Variants in RARB observed in about 807,000 individuals in gnomAD.
RARB encodes retinoic acid receptor beta.
RARB carries 17 observed loss-of-function variants against 51.9 expected under a neutral mutation model. The ratio of observed to expected loss-of-function variants is 0.33; its 90% CI spans 0.22 to 0.49. The LOEUF (loss-of-function observed/expected upper bound fraction) is 0.49. Among genes scored for constraint, RARB ranks in the 20% least tolerant of loss-of-function variants. The probability of loss-of-function intolerance (pLI) is 0.99; values close to 1 mark genes in which losing one functional copy is unlikely to be tolerated. For synonymous variants in RARB, 215 were observed against 195.4 expected, an observed-to-expected ratio of 1.10 and a Z score of -0.84; for missense variants, 369 against 550.8, an observed-to-expected ratio of 0.67 and a Z score of 3.30.
intron 3 of RARB, among the ~76,000 whole-genome samples, chr3:25,094,255 C>A (rs1283087868): frequency 1.3e-5 from 2 of 152,166 alleles, no homozygotes; most frequent in Admixed American, 1.3e-4. Flanking sequence ...GTCTGAAATT[C>A]TTCCTAAGGG....
chr3:24,942,757 C>A (rs1045519747), intron 2 of RARB, among the ~76,000 whole-genome samples: 3 of 152,106 alleles, frequency 2.0e-5, no homozygotes, highest in African/African-American at 7.2e-5. Flanking sequence ...GCATTAGTGG[C>A]ATTGATAGAG....
At chr3:25,587,993 C>G (rs1328496310) in intron 5 of RARB, among the ~76,000 whole-genome samples, 1 of 152,132 alleles carries the variant, frequency 6.6e-6, no homozygotes, top group Non-Finnish European at 1.5e-5. Context: ...TAACCACCTG[C>G]TGTATGGAGG....
chr3:24,963,157 G>T (rs976071074), intron 2 of RARB, among the ~76,000 whole-genome samples: 1 of 152,022 alleles, frequency 6.6e-6, no homozygotes, highest in African/African-American at 2.4e-5. Flanking sequence ...TGGTTTTGAT[G>T]ATGATCTTTG....
intron 5 of RARB, among the ~76,000 whole-genome samples, chr3:25,221,651 G>A (rs1465415728): frequency 6.6e-6 from 1 of 152,104 alleles, no homozygotes; most frequent in African/African-American, 2.4e-5. Context: ...GTTTCTGGCA[G>A]TCTTAAAGAG....
chr3:25,461,440 C>A, intron 2 of RARB, 99 bp downstream of exon 2: 1 of 1,337,588 alleles, frequency 7.5e-7, no homozygotes, highest in South Asian at 1.4e-5. Flanking sequence ...TGTGTAACAT[C>A]ACCTCCCATA....
intron 3 of RARB, among the ~76,000 whole-genome samples, chr3:25,526,955 G>T (rs1276625102): frequency 6.6e-6 from 1 of 152,138 alleles, no homozygotes; most frequent in East Asian, 1.9e-4. Flanking sequence ...CTGGAAGCAG[G>T]GTGTGTGTGG....
At chr3:24,880,376 A>G (rs1263144413) in intron 2 of RARB, among the ~76,000 whole-genome samples, 1 of 152,176 alleles carries the variant, frequency 6.6e-6, no homozygotes, top group Non-Finnish European at 1.5e-5. Flanking sequence ...ACGAATCTGT[A>G]ATTAATATCC....
intron 5 of RARB, among the ~76,000 whole-genome samples, chr3:25,336,881 G>A (rs1211709617): frequency 6.6e-6 from 1 of 152,126 alleles, no homozygotes; most frequent in African/African-American, 2.4e-5. Flanking sequence ...GTCCTGCTGT[G>A]CTCCTCTCAG....
intron 5 of RARB, among the ~76,000 whole-genome samples, chr3:25,414,381 G>C (rs1279828516): frequency 6.6e-6 from 1 of 152,184 alleles, no homozygotes; most frequent in East Asian, 1.9e-4. Flanking sequence ...AAGCTACTAT[G>C]AATGTTCATG....
At chr3:25,586,996 A>G (rs569241632) in intron 5 of RARB, among the ~76,000 whole-genome samples, 14 of 152,322 alleles carry the variant, frequency 9.2e-5, no homozygotes, top group Admixed American at 8.5e-4. Flanking sequence ...TGTAGCGGTT[A>G]AGAGGGTGGG....
intron 2 of RARB, among the ~76,000 whole-genome samples, chr3:24,953,428 C>T (rs1197511479): frequency 2.0e-5 from 3 of 152,178 alleles, no homozygotes; most frequent in Non-Finnish European, 2.9e-5. Flanking sequence ...CAGGGCCTCA[C>T]TTAGTACCCC....
intron 5 of RARB, among the ~76,000 whole-genome samples, chr3:25,261,698 C>G (rs944883445): frequency 2.0e-5 from 3 of 152,134 alleles, no homozygotes; most frequent in South Asian, 4.1e-4. Context: ...TAAATGAATT[C>G]TTGTTCCTCC....
At chr3:25,447,633 G>A (rs1033963718) in intron 1 of RARB, among the ~76,000 whole-genome samples, 3 of 152,242 alleles carry the variant, frequency 2.0e-5, no homozygotes, top group South Asian at 4.2e-4. Context: ...ATGAGAGATC[G>A]CTGTGGTAAA....
intron 5 of RARB, among the ~76,000 whole-genome samples, chr3:25,331,448 G>A (rs1428719052): frequency 1.3e-5 from 2 of 152,090 alleles, no homozygotes; most frequent in Non-Finnish European, 2.9e-5. Context: ...CAAAACGAAG[G>A]CAGAAATAAA....
chr3:25,592,061 C>G (rs1444815869), intron 5 of RARB, among the ~76,000 whole-genome samples: 1 of 152,106 alleles, frequency 6.6e-6, no homozygotes, highest in African/African-American at 2.4e-5. Flanking sequence ...GTTTCCCTGA[C>G]AAGATGAGAG....
At chr3:25,571,472 C>T (rs1345814520) in intron 4 of RARB, among the ~76,000 whole-genome samples, 1 of 152,262 alleles carries the variant, frequency 6.6e-6, no homozygotes, top group Non-Finnish European at 1.5e-5. Context: ...AGGAGAAACA[C>T]TGGCATGTCT....
At chr3:24,961,879 G>T (rs1021366598) in intron 2 of RARB, among the ~76,000 whole-genome samples, 1 of 146,542 alleles carries the variant, frequency 6.8e-6, no homozygotes, top group Non-Finnish European at 1.5e-5. Flanking sequence ...GCGTACGTGA[G>T]AAAAATAGCC....
At chr3:25,033,274 CAATT>C (rs1212100202) in intron 2 of RARB, among the ~76,000 whole-genome samples, 1 of 152,100 alleles carries the variant, frequency 6.6e-6, no homozygotes, top group East Asian at 1.9e-4. Flanking sequence ...GGAGCAAAGA[CAATT>C]AAAGTAGGGG....
In RARB at chr3:25,346,021, C is replaced by T. The variant is rs148973503; in HGVS notation, c.179-115172C>T. 3.4e-3 allele frequency: 1,080 copies of T among 314,428 alleles called. 9 individuals are homozygous for T. Among genetic ancestry groups the T allele is most frequent in the South Asian group, 0.024 (193 of 7,906 alleles). 19.5% of individuals were successfully genotyped at this position (314,428 alleles called of 1,614,324 possible). A position where few individuals can be genotyped will look rare whatever the true frequency, so the allele number is the denominator to read the frequency against. ...TTCTTCTGACCCGGGCTGCGGTTGA[C>T]TGATCGCCGCTGGGTTCACTCATGC... On this transcript the variant is annotated intron_variant, in intron 5 of 11. Transcript: ENST00000383772.
Sources: gnomAD v4.1 joint callset for allele counts (sites outside exome capture counted in the v4.1 genomes callset) on GRCh38, gnomAD v4.1.1 for gene constraint, MANE v1.5 for transcripts, NCBI Gene and HGNC (gene_info 2026-07-23, HGNC 2026-07-21) for gene names.